The following SAR1B variants were observed in gnomAD, a reference collection of about 807,000 sequenced individuals.
The protein encoded by SAR1B is secretion associated Ras related GTPase 1B, also known as small COPII coat GTPase SAR1B.
In SAR1B, 23 loss-of-function variants were observed where a neutral mutation model predicts 26.8. The observed-to-expected ratio is 0.86, with a 90% CI of 0.62 to 1.22. The LOEUF (loss-of-function observed/expected upper bound fraction) is 1.22, where lower values mean the gene tolerates loss of function less well. Among genes scored for constraint, SAR1B ranks in the 50% most tolerant of loss-of-function variants. The probability of loss-of-function intolerance (pLI) is 0.00; values close to 1 mark genes in which losing one functional copy is unlikely to be tolerated. For missense variants in SAR1B, 196 were observed against 232.8 expected (o/e 0.84, Z 1.03); for synonymous variants, 65 against 80.8 (o/e 0.80, Z 1.05).
rs987901085 is a variant in SAR1B at position 134,608,574 on chromosome 5, A to G, written c.349-71T>C. 5.3e-6 allele frequency: 8 copies of G among 1,502,492 alleles called. No homozygotes were observed. In the Admixed American group the frequency reaches 1.4e-4, roughly 27 times the overall value. 93.1% of individuals were successfully genotyped at this position (1,502,492 alleles called of 1,614,324 possible). ...TCCAAAGAGCTTATTTTGATATGAT[A>G]AAACAATAAAGGACTCATTTTCTAC... On this transcript the variant is annotated intron_variant, in intron 5 of 6. Coordinates refer to ENST00000402673, the MANE Select transcript of SAR1B (RefSeq NM_016103.4).
chr5:134,623,332 C>T (rs1232172360), intron 2 of SAR1B, among the ~76,000 whole-genome samples: 4 of 151,304 alleles, frequency 2.6e-5, no homozygotes, highest in East Asian at 1.9e-4. Context: ...ACCAGCTACT[C>T]GGGAGGTTGA....
At chr5:134,621,475 A>AAAAT (rs56349566) in intron 2 of SAR1B, among the ~76,000 whole-genome samples, 12 of 148,408 alleles carry the variant, frequency 8.1e-5, no homozygotes, top group Admixed American at 2.0e-4. Flanking sequence ...TCTGTCTCAA[A>AAAAT]AAATAAATAA....
At chr5:134,626,386 GT>G (rs758249657) in intron 1 of SAR1B, among the ~76,000 whole-genome samples, 16 of 144,616 alleles carry the variant, frequency 1.1e-4, no homozygotes, top group African/African-American at 3.8e-4. Flanking sequence ...AGAATTAACT[GT>G]TTTTTTATTG....
intron 2 of SAR1B, among the ~76,000 whole-genome samples, chr5:134,623,051 G>A (rs1324400073): frequency 6.6e-6 from 1 of 150,674 alleles, no homozygotes; most frequent in African/African-American, 2.4e-5. Context: ...TGAACCAGGA[G>A]GCGAAGGTTG....
At chr5:134,616,353 C>T (rs1765317010) in intron 3 of SAR1B, among the ~76,000 whole-genome samples, 1 of 149,796 alleles carries the variant, frequency 6.7e-6, no homozygotes, top group African/African-American at 2.5e-5. Flanking sequence ...AAGAGAATCG[C>T]TTGAACCCGG....
chr5:134,605,589 G>A lies in SAR1B; in HGVS notation c.*1361C>T, dbSNP rs906617617. 20 of 147,014 alleles carry A rather than the reference G, an allele frequency of 1.4e-4. No individual in the cohort carries two copies. Among genetic ancestry groups the A allele is most frequent in the Non-Finnish European group, 2.5e-4 (17 of 67,198 alleles). 9.1% of individuals were successfully genotyped at this position (147,014 alleles called of 1,614,324 possible). On this transcript the variant is annotated 3_prime_UTR_variant, in exon 7 of 7. Transcript: ENST00000402673. Reference sequence around the variant, plus strand: ...GGAGGCCAAGGCGGGCAGATCACTTGAGGTCAGGAGTTTGAGACCAGCCTG... The same window carrying A: ...GGAGGCCAAGGCGGGCAGATCACTTAAGGTCAGGAGTTTGAGACCAGCCTG...
intron 1 of SAR1B, 126 bp from the exon 2 acceptor site, chr5:134,624,163 C>T (rs1765458894): frequency 1.5e-6 from 1 of 681,814 alleles, no homozygotes; most frequent in Non-Finnish European, 2.7e-6. Context: ...GAGTTACACA[C>T]TTTGGGAAGC....
Position 134,612,684 on chromosome 5 carries a change from AT to A in SAR1B, c.244+6del. On this transcript the variant is annotated splice_donor_region_variant and intron_variant, in intron 4 of 6. Coordinates refer to ENST00000402673, the MANE Select transcript of SAR1B (RefSeq NM_016103.4). ...AAAAAAAAAAAAAAAAAAAAAAAGA[AT>A]CTTACCTTGAACATGTCCACCCAGA... The A allele has an allele frequency of 9.8e-7, 1 of 1,017,752 alleles. No individual in the cohort carries two copies. The highest frequency in any genetic ancestry group is 1.4e-6 in the Non-Finnish European group (1 of 711,310). 63.0% of individuals were successfully genotyped at this position (1,017,752 alleles called of 1,614,324 possible). A position where few individuals can be genotyped will look rare whatever the true frequency, so the allele number is the denominator to read the frequency against.
chr5:134,604,155 C>T lies in SAR1B; in HGVS notation c.*2795G>A, dbSNP rs1765092100. 1 of 152,198 alleles carries T rather than the reference C, an allele frequency of 6.6e-6. No homozygotes were observed. The highest frequency in any genetic ancestry group is 1.5e-5 in the Non-Finnish European group (1 of 68,044). The allele number at this position is 152,198 out of a possible 1,614,324, so 9.4% of individuals were successfully genotyped here. ...ATCCAAAAGTGTAATTAACGGCAGTCAGTGAAACAGGTATGGGATCTCTTT... is the reference window on the plus strand; with the variant it reads ...ATCCAAAAGTGTAATTAACGGCAGTTAGTGAAACAGGTATGGGATCTCTTT... On this transcript the variant is annotated 3_prime_UTR_variant, in exon 7 of 7. Transcript: ENST00000402673.
In SAR1B at chr5:134,612,728, C is replaced by T. The variant is rs746521283; in HGVS notation, c.207G>A (p.Met69Ile). 2.7e-6 allele frequency: 4 copies of T among 1,496,330 alleles called. No individual in the cohort carries two copies. In the Admixed American group the frequency reaches 5.5e-5, roughly 21 times the overall value. 92.7% of individuals were successfully genotyped at this position (1,496,330 alleles called of 1,614,324 possible). ...PTSEELTIAG[M>I]TFTTFDLGGH... The stretch of plus-strand genomic sequence containing the variant: ...CACCCAGATCAAAAGTTGTAAACGT[C>T]ATGCCAGCAATGGTCAGTTCTTCGG... Residue 69 changes from methionine (M) to isoleucine (I), a missense_variant, in exon 4 of 7, where the codon ATG (methionine) becomes ATA (isoleucine). By Grantham distance (10) the Met-to-Ile change is conservative. Transcript: ENST00000402673.
At chr5:134,608,103 G>A (rs983427649) in intron 6 of SAR1B, among the ~76,000 whole-genome samples, 6 of 152,152 alleles carry the variant, frequency 3.9e-5, no homozygotes, top group Non-Finnish European at 7.3e-5. Flanking sequence ...TTCTGAAAAT[G>A]TATGATAAAT....
intron 4 of SAR1B, among the ~76,000 whole-genome samples, chr5:134,610,548 CAGAG>C (rs1484775030): frequency 4.3e-5 from 5 of 115,578 alleles, no homozygotes; most frequent in Non-Finnish European, 8.1e-5. Context: ...GCCTGGGTGA[CAGAG>C]AGAGACTCCG....
chr5:134,609,183 G>A (rs1407015426), intron 5 of SAR1B: 1 of 443,252 alleles, frequency 2.3e-6, no homozygotes, highest in Non-Finnish European at 4.5e-6. Flanking sequence ...TCACTCCTGG[G>A]AGTAGTGTCA....
intron 5 of SAR1B, 86 bp from the exon 6 acceptor site, chr5:134,608,589 T>A: frequency 7.1e-7 from 1 of 1,405,166 alleles, no homozygotes; most frequent in African/African-American, 1.4e-5. Context: ...AATAAAGGAC[T>A]CATTTTCTAC....
chr5:134,610,669 G>A (rs2150050514), intron 4 of SAR1B, among the ~76,000 whole-genome samples: 1 of 151,638 alleles, frequency 6.6e-6, no homozygotes, highest in Middle Eastern at 3.4e-3. Context: ...AGGAGGCAGA[G>A]GCTGCAGTAA....
rs568703708 is a variant in SAR1B, at chr5:134,615,425, G to A, written c.179-2669C>T. Reference sequence around the variant, plus strand: ...AGCTACTCAGGAGGCTGAGGCAGGAGAATCACTTGAACCCAGGAGGCGGAG... The same window carrying A: ...AGCTACTCAGGAGGCTGAGGCAGGAAAATCACTTGAACCCAGGAGGCGGAG... On this transcript the variant is annotated intron_variant, in intron 3 of 6. Coordinates refer to ENST00000402673, the MANE Select transcript of SAR1B (RefSeq NM_016103.4). 3.3e-5 allele frequency among the ~76,000 whole-genome samples: 5 copies of A among 152,116 alleles called. No individual in the cohort carries two copies. The South Asian group carries it at 1.0e-3, about 32-fold the overall frequency.
At chr5:134,621,451 C>T (rs142585701) in intron 2 of SAR1B, among the ~76,000 whole-genome samples, 3,914 of 150,190 alleles carry the variant, frequency 0.026, 178 homozygotes, top group African/African-American at 0.089. Flanking sequence ...CCAGCCTGGG[C>T]GACAAAGTGA....
chr5:134,622,724 C>T (rs1765430857), intron 2 of SAR1B, among the ~76,000 whole-genome samples: 1 of 150,320 alleles, frequency 6.7e-6, no homozygotes, highest in African/African-American at 2.4e-5. Flanking sequence ...CTATTCTTAA[C>T]TATTGCTTCA....
rs533898669 is a variant in SAR1B, at chr5:134,627,738, G to T, written c.-18-3701C>A. 4.6e-5 allele frequency among the ~76,000 whole-genome samples: 7 copies of T among 151,804 alleles called. No homozygotes were observed. The East Asian group carries it at 1.4e-3, about 30-fold the overall frequency. ...GGCGTGAAACCAGGAGGCAGAGCTT[G>T]CAGTGAGCCGAGATTGCGCCACTGC... is the stretch of plus-strand genomic sequence containing the variant. On this transcript the variant is annotated intron_variant, in intron 1 of 6. Transcript: ENST00000402673.
Sources: gnomAD v4.1 joint callset for allele counts (sites outside exome capture counted in the v4.1 genomes callset) on GRCh38, gnomAD v4.1.1 for gene constraint, MANE v1.5 for transcripts, NCBI Gene and HGNC (gene_info 2026-07-23, HGNC 2026-07-21) for gene names.